MRPS5: variants seen among roughly 807,000 people sequenced by gnomAD.
MRPS5 encodes mitochondrial ribosomal protein S5.
A neutral mutation model predicts 51.9 loss-of-function variants in MRPS5; 27 were observed. The observed-to-expected ratio is 0.52, with a 90% CI of 0.38 to 0.72. MRPS5 has a LOEUF of 0.72. MRPS5 is among the 30% of genes least tolerant of loss of function. The probability of loss-of-function intolerance (pLI) is 0.00; values close to 1 mark genes in which losing one functional copy is unlikely to be tolerated. For synonymous variants in MRPS5, 196 were observed against 193.2 expected, an observed-to-expected ratio of 1.01 and a Z score of -0.12; for missense variants, 570 against 545.7, an observed-to-expected ratio of 1.04 and a Z score of -0.44.
In MRPS5 at chr2:95,113,418, G is replaced by A. The variant is rs539437046; in HGVS notation, c.277+1648C>T. On this transcript the variant is annotated intron_variant, in intron 3 of 11. Transcript: ENST00000272418. ...TTGAACCCAGGAGGTGCAGGTTGCA[G>A]TGAGCCGAGACCACGCCACTGCATT... 3.9e-5 allele frequency among the ~76,000 whole-genome samples: 6 copies of A among 152,240 alleles called. No individual in the cohort carries two copies. In the South Asian group the frequency reaches 6.2e-4, roughly 16 times the overall value.
Position 95,087,506 on chromosome 2 carries a change from T to G in MRPS5, c.1144A>C (p.Ile382Leu). The G allele has an allele frequency of 6.2e-7, 1 of 1,614,168 alleles. No homozygotes were observed. The highest frequency in any genetic ancestry group is 8.5e-7 in the Non-Finnish European group (1 of 1,180,028). ...EIREECGPLPIVVASPRGPLR... is the reference protein window; with the variant it reads ...EIREECGPLPLVVASPRGPLR... ...GGCCCCCGGGGGGACGCAACCACAA[T>G]GGGCAGAGGGCCACATTCCTCCCGG... is the stretch of plus-strand genomic sequence containing the variant. Residue 382 changes from isoleucine to leucine, a missense_variant, in exon 12 of 12, where the codon ATT becomes CTT. Ile to Leu is a conservative substitution (Grantham distance 5). Transcript: ENST00000272418.
At chr2:95,112,821 G>A (rs1366266098) in intron 3 of MRPS5, among the ~76,000 whole-genome samples, 1 of 151,892 alleles carries the variant, frequency 6.6e-6, no homozygotes, top group African/African-American at 2.4e-5. Flanking sequence ...TGGCTAACAA[G>A]GTGAAACCCC....
At chr2:95,103,516 C>G (rs1456435376) in intron 7 of MRPS5, among the ~76,000 whole-genome samples, 1 of 152,198 alleles carries the variant, frequency 6.6e-6, no homozygotes, top group African/African-American at 2.4e-5. Context: ...GGGAGGCAAT[C>G]TAGGAATATT....
chr2:95,101,611 A>G (rs1345968393), intron 8 of MRPS5, 66 bp downstream of exon 8: 5 of 1,267,264 alleles, frequency 3.9e-6, no homozygotes, highest in Non-Finnish European at 5.5e-6. Context: ...TGTGGTTCCC[A>G]CTGTGTCTGG....
intron 10 of MRPS5, among the ~76,000 whole-genome samples, chr2:95,096,564 A>G (rs1211997280): frequency 6.6e-6 from 1 of 152,228 alleles, no homozygotes; most frequent in Non-Finnish European, 1.5e-5. Context: ...ACTCCATCAC[A>G]TAAACAGAAC....
intron 7 of MRPS5, chr2:95,101,957 C>T: frequency 2.1e-6 from 1 of 467,332 alleles, no homozygotes; most frequent in Non-Finnish European, 3.8e-6. Flanking sequence ...AGTTTGAGAC[C>T]AGCCTGAACA....
At chr2:95,088,052 G>T in intron 11 of MRPS5, among the ~76,000 whole-genome samples, 1 of 150,954 alleles carries the variant, frequency 6.6e-6, no homozygotes, top group Admixed American at 6.6e-5. Context: ...GGGAAGAGGA[G>T]GGGAACCTAT....
Position 95,087,366 on chromosome 2 carries a change from G to C in MRPS5, c.1284C>G (p.Ala428=), listed in dbSNP as rs369979607. The stretch of plus-strand genomic sequence containing the variant: ...CACAAGGCCAGAGAGGTTACGTGGC[G>C]GCTCTCTTCAAATTAGACCACACAG... The part of the protein sequence containing the change: ...KRSVWSNLKR[A]AT The change falls in exon 12 of 12, where the codon GCC becomes GCG. Residue 428 remains alanine (A), a synonymous_variant. Transcript: ENST00000272418. 2 of 1,613,696 alleles carry C rather than the reference G, an allele frequency of 1.2e-6. No individual in the cohort carries two copies. The highest frequency in any genetic ancestry group is 8.5e-7 in the Non-Finnish European group (1 of 1,179,766).
chr2:95,087,486 C>G lies in MRPS5; in HGVS notation c.1164G>C (p.Arg388=), dbSNP rs199604207. 97 of 1,614,198 alleles carry G rather than the reference C, an allele frequency of 6.0e-5. No individual in the cohort carries two copies. Among genetic ancestry groups the G allele is most frequent in the Non-Finnish European group, 5.9e-6 (7 of 1,180,036 alleles). Residue 388 remains arginine (R), a synonymous_variant, in exon 12 of 12, where the codon CGG becomes CGC. Transcript: ENST00000272418. Reference sequence around the variant, plus strand: ...GCTCTGGATCCTTCCTCAAGGGCCCCCGGGGGGACGCAACCACAATGGGCA... The same window carrying G: ...GCTCTGGATCCTTCCTCAAGGGCCCGCGGGGGGACGCAACCACAATGGGCA... The part of the protein sequence containing the change: ...GPLPIVVASP[R]GPLRKDPEPE...
intron 1 of MRPS5, among the ~76,000 whole-genome samples, chr2:95,118,472 T>C (rs1676352568): frequency 6.6e-6 from 1 of 152,244 alleles, no homozygotes; most frequent in African/African-American, 2.4e-5. Flanking sequence ...CTCCTCCATC[T>C]TCCCTCTGGC....
chr2:95,092,551 A>G (rs1203122567), intron 10 of MRPS5: 1 of 152,234 alleles, frequency 6.6e-6, no homozygotes, highest in Admixed American at 6.5e-5. Flanking sequence ...ATAAATGTGT[A>G]TGTATTCAGG....
At chr2:95,094,129 G>C (rs1003014351) in intron 10 of MRPS5, among the ~76,000 whole-genome samples, 6 of 151,966 alleles carry the variant, frequency 3.9e-5, no homozygotes, top group African/African-American at 1.2e-4. Context: ...TGGAAGAAAG[G>C]GTATCAGTGA....
chr2:95,120,293 C>A (rs574503218), intron 1 of MRPS5, among the ~76,000 whole-genome samples: 1 of 152,318 alleles, frequency 6.6e-6, no homozygotes, highest in African/African-American at 2.4e-5. Context: ...GTACATGCTA[C>A]AAGGATGAAC....
At chr2:95,115,262 C>T in intron 2 of MRPS5, 59 bp from the exon 3 acceptor site, 3 of 1,392,522 alleles carry the variant, frequency 2.2e-6, no homozygotes, top group Non-Finnish European at 2.8e-6. Context: ...AAAAACACTG[C>T]TAGCATCAAA....
intron 5 of MRPS5, among the ~76,000 whole-genome samples, chr2:95,107,941 T>A (rs1474689318): frequency 2.0e-5 from 3 of 152,204 alleles, no homozygotes; most frequent in Non-Finnish European, 4.4e-5. Flanking sequence ...TTTAAGGATC[T>A]GAGAAGGTAC....
At chr2:95,120,976 G>A (rs1188619060) in intron 1 of MRPS5, among the ~76,000 whole-genome samples, 4 of 152,122 alleles carry the variant, frequency 2.6e-5, no homozygotes, top group South Asian at 2.1e-4. Context: ...AAATTAGCCA[G>A]GCATGGTGGC....
At chr2:95,105,474 C>T (rs369586885) in intron 6 of MRPS5, among the ~76,000 whole-genome samples, 5 of 151,232 alleles carry the variant, frequency 3.3e-5, no homozygotes, top group African/African-American at 9.7e-5. Flanking sequence ...GGCGTCAACC[C>T]GGGAGGTGGA....
chr2:95,087,520 C>T lies in MRPS5; in HGVS notation c.1130G>A (p.Cys377Tyr). 6.2e-7 allele frequency: 1 copy of T among 1,614,216 alleles called. No individual in the cohort carries two copies. Reference sequence around the variant, plus strand: ...CGCAACCACAATGGGCAGAGGGCCACATTCCTCCCGGATTTCCACAACATG... The same window carrying T: ...CGCAACCACAATGGGCAGAGGGCCATATTCCTCCCGGATTTCCACAACATG... Reference protein sequence around the residue: ...GLHVVEIREECGPLPIVVASP... With the variant: ...GLHVVEIREEYGPLPIVVASP... The change falls in exon 12 of 12, where the codon TGT becomes TAT. Residue 377 changes from cysteine to tyrosine, a missense_variant. Coordinates refer to ENST00000272418, the MANE Select transcript of MRPS5 (RefSeq NM_031902.5).
At chr2:95,113,674 T>C (rs891169975) in intron 3 of MRPS5, among the ~76,000 whole-genome samples, 3 of 152,154 alleles carry the variant, frequency 2.0e-5, no homozygotes, top group Non-Finnish European at 2.9e-5. Flanking sequence ...CTATGTTGCT[T>C]AATCCTCTAC....
Sources: allele counts gnomAD v4.1 joint callset (sites outside exome capture counted in the v4.1 genomes callset), GRCh38; gene constraint gnomAD v4.1.1; transcripts MANE v1.5; gene names NCBI Gene and HGNC (gene_info 2026-07-23, HGNC 2026-07-21).